TENM2: variants seen among roughly 807,000 people sequenced by gnomAD.
TENM2 encodes the protein teneurin transmembrane protein 2.
TENM2 carries 52 observed loss-of-function variants against 245.2 expected under a neutral mutation model. The observed-to-expected ratio is 0.21, with a 90% confidence interval of 0.17 to 0.27. The LOEUF (loss-of-function observed/expected upper bound fraction) is 0.27. Among genes scored for constraint, TENM2 ranks in the 10% least tolerant of loss-of-function variants. The probability of loss-of-function intolerance (pLI) is 1.00; values close to 1 mark genes in which losing one functional copy is unlikely to be tolerated. For synonymous variants in TENM2, 1,363 were observed against 1,438.9 expected (o/e 0.95, Z 1.19); for missense variants, 3,046 against 3,666.8 (o/e 0.83, Z 4.37).
chr5:167,918,725 T>G (rs961758623), intron 3 of TENM2, among the ~76,000 whole-genome samples: 1 of 152,002 alleles, frequency 6.6e-6, no homozygotes, highest in African/African-American at 2.4e-5. Flanking sequence ...CAGCACCTCC[T>G]GTTAGGCTGA....
chr5:168,065,814 A>G (rs1428195013), intron 7 of TENM2, among the ~76,000 whole-genome samples: 1 of 151,888 alleles, frequency 6.6e-6, no homozygotes, highest in East Asian at 1.9e-4. Context: ...TCAGTGAAAA[A>G]AAAAAGAACC....
intron 5 of TENM2, among the ~76,000 whole-genome samples, chr5:168,034,167 A>ACATATATATGTGTATATATATATATG: frequency 9.3e-6 from 1 of 107,406 alleles, no homozygotes; most frequent in Non-Finnish European, 2.0e-5. Flanking sequence ...ATATATGTAT[A>ACATATATATGTGTATATATATATATG]TATATACACA....
At chr5:167,961,041 C>A (rs886356836) in intron 4 of TENM2, among the ~76,000 whole-genome samples, 1 of 152,180 alleles carries the variant, frequency 6.6e-6, no homozygotes, top group Non-Finnish European at 1.5e-5. Flanking sequence ...ACTGTCTAAC[C>A]AGTCCTAGTG....
At chr5:167,194,508 G>A in the TENM2 span, among the ~76,000 whole-genome samples, 1 of 151,990 alleles carries the variant, frequency 6.6e-6, no homozygotes. Flanking sequence ...AGCATGCAGA[G>A]TTACAGAATT....
At chr5:167,109,247 TA>T in the TENM2 span, among the ~76,000 whole-genome samples, 5 of 142,488 alleles carry the variant, frequency 3.5e-5, 1 homozygote, top group Admixed American at 6.9e-5. Flanking sequence ...TTTTTTTAAG[TA>T]AAGAGGACAG....
Position 168,162,764 on chromosome 5 carries a change from A to T in TENM2, c.2569+7A>T, listed in dbSNP as rs776250817. On this transcript the variant is annotated splice_region_variant and intron_variant, in intron 13 of 28. Transcript: ENST00000518659. ...AACAAGGATAATGAGGGAGGTGAGC[A>T]CGCGTCTTCTCATTCCCAGCCCCTA... The T allele has an allele frequency of 6.2e-7, 1 of 1,613,608 alleles. No homozygotes were observed. The highest frequency in any genetic ancestry group is 2.2e-5 in the East Asian group (1 of 44,866).
chr5:167,544,325 A>G (rs537189641), intron 2 of TENM2, among the ~76,000 whole-genome samples: 1 of 152,314 alleles, frequency 6.6e-6, no homozygotes, highest in African/African-American at 2.4e-5. Context: ...GCCACAGAGG[A>G]TGGTATCTTC....
rs956809029 is a variant in TENM2, at chr5:167,375,152, A to G, written c.227-46A>G. On this transcript the variant is annotated intron_variant, in intron 1 of 28. Transcript: ENST00000518659. ...GTAAGGATAAATTTTAACTTTGTAA[A>G]GCATCTCACAAATTTTAATCAGCTT... 5 of 1,528,970 alleles carry G rather than the reference A, an allele frequency of 3.3e-6. No homozygotes were observed. In the South Asian group the frequency reaches 3.7e-5, roughly 11 times the overall value. 94.7% of individuals were successfully genotyped at this position (1,528,970 alleles called of 1,614,324 possible).
intron 2 of TENM2, among the ~76,000 whole-genome samples, chr5:167,581,967 G>A (rs192123834): frequency 2.0e-4 from 31 of 152,104 alleles, no homozygotes; most frequent in Admixed American, 1.7e-3. Context: ...GCCCACACTA[G>A]GTATCTCTAC....
chr5:167,009,863 T>G, the TENM2 span, among the ~76,000 whole-genome samples: 1 of 152,224 alleles, frequency 6.6e-6, no homozygotes, highest in Non-Finnish European at 1.5e-5. Flanking sequence ...GCTAGTAATG[T>G]CAGCCAGAAA....
intron 2 of TENM2, among the ~76,000 whole-genome samples, chr5:167,405,792 A>ACACACACACG (rs1193932068): frequency 1.3e-5 from 2 of 151,610 alleles, no homozygotes; most frequent in African/African-American, 4.8e-5. Flanking sequence ...ACACACACAC[A>ACACACACACG]CACACACGCA....
intron 3 of TENM2, among the ~76,000 whole-genome samples, chr5:167,888,506 C>T (rs973670307): frequency 1.2e-4 from 19 of 152,192 alleles, no homozygotes; most frequent in Admixed American, 3.3e-4. Flanking sequence ...GACCCTTTCT[C>T]ACATGCTGGC....
At chr5:167,127,029 C>T in the TENM2 span, among the ~76,000 whole-genome samples, 1,975 of 151,280 alleles carry the variant, frequency 0.013, 29 homozygotes, top group South Asian at 0.076. Context: ...TTTCACCTGC[C>T]TTTATACTTC....
At chr5:167,148,535 G>A in the TENM2 span, among the ~76,000 whole-genome samples, 1 of 152,102 alleles carries the variant, frequency 6.6e-6, no homozygotes, top group East Asian at 1.9e-4. Context: ...TTAAATAGTT[G>A]AAATGAAATA....
chr5:167,452,931 T>A (rs1198406820), intron 2 of TENM2, among the ~76,000 whole-genome samples: 303 of 4,772 alleles, frequency 0.063, 3 homozygotes, highest in South Asian at 0.31. Context: ...AAAGTATGAT[T>A]TATATATATA....
chr5:168,227,964 G>GTATC lies in TENM2; in HGVS notation c.5355_5358dup (p.Ser1787TyrfsTer35). 1 of 1,613,738 alleles carries GTATC rather than the reference G, an allele frequency of 6.2e-7. No individual in the cohort carries two copies. Among genetic ancestry groups the GTATC allele is most frequent in the Non-Finnish European group, 8.5e-7 (1 of 1,179,810 alleles). On this transcript the variant is annotated frameshift_variant, in exon 25 of 29. Transcript: ENST00000518659. LOFTEE classifies it high-confidence loss of function. ...AGGGTGATGTATGCTAATGGGATGG[G>GTATC]TATCAGCTTCCACAGCGAGCCCCAT...
intron 2 of TENM2, among the ~76,000 whole-genome samples, chr5:167,384,475 A>G (rs987702683): frequency 1.3e-5 from 2 of 152,202 alleles, no homozygotes; most frequent in Non-Finnish European, 2.9e-5. Context: ...AAAAAATTCC[A>G]ACTCCAGTCA....
At chr5:168,250,752 C>T (rs1181501835) in intron 27 of TENM2, among the ~76,000 whole-genome samples, 3 of 152,274 alleles carry the variant, frequency 2.0e-5, no homozygotes, top group South Asian at 4.1e-4. Flanking sequence ...CCTCCTCCCC[C>T]GTGCCTCATC....
chr5:167,019,088 C>A, the TENM2 span, among the ~76,000 whole-genome samples: 2 of 152,108 alleles, frequency 1.3e-5, no homozygotes, highest in Admixed American at 1.3e-4. Flanking sequence ...TCATTCATCT[C>A]TTTACTTTGA....
Sources: gnomAD v4.1 joint callset for allele counts (sites outside exome capture counted in the v4.1 genomes callset) on GRCh38, gnomAD v4.1.1 for gene constraint, MANE v1.5 for transcripts, NCBI Gene and HGNC (gene_info 2026-07-23, HGNC 2026-07-21) for gene names.